Variants in CACNB4 observed in about 807,000 individuals in gnomAD.
CACNB4 encodes the protein voltage-dependent L-type calcium channel subunit beta-4.
In CACNB4, 32 loss-of-function variants were observed where a neutral mutation model predicts 71.2. That is an observed-to-expected ratio of 0.45 (90% confidence interval 0.34 to 0.60). The LOEUF is 0.60. Ranked by LOEUF, CACNB4 falls within the 20% of genes least tolerant of loss-of-function variation. CACNB4 has a pLI of 0.01. For missense variants in CACNB4, 464 were observed against 647.9 expected (o/e 0.72, Z 3.08); for synonymous variants, 231 against 236.9 (o/e 0.97, Z 0.23).
intron 4 of CACNB4, among the ~76,000 whole-genome samples, chr2:151,877,074 GATATCTATATATACACAT>G (rs2099846601): frequency 1.3e-5 from 1 of 78,372 alleles, no homozygotes; most frequent in Non-Finnish European, 3.0e-5. Flanking sequence ...TATACACATA[GATATCTATATATACACAT>G]AGATATCTAT....
intron 2 of CACNB4, among the ~76,000 whole-genome samples, chr2:151,939,433 G>T (rs560328179): frequency 6.6e-6 from 1 of 152,300 alleles, no homozygotes; most frequent in East Asian, 1.9e-4. Flanking sequence ...GAAGAGGTTT[G>T]CAGGAGGCCC....
At chr2:152,001,160 C>T (rs935113754) in intron 2 of CACNB4, among the ~76,000 whole-genome samples, 4 of 152,134 alleles carry the variant, frequency 2.6e-5, no homozygotes, top group Non-Finnish European at 5.9e-5. Flanking sequence ...AGGATTCAAA[C>T]CTAGGAGGTC....
chr2:152,037,138 T>C (rs1443764690), intron 2 of CACNB4, among the ~76,000 whole-genome samples: 1 of 152,232 alleles, frequency 6.6e-6, no homozygotes, highest in Non-Finnish European at 1.5e-5. Context: ...TAGGGTATTC[T>C]TCCCTGGGCT....
At chr2:152,070,459 G>A (rs1471112531) in intron 2 of CACNB4, among the ~76,000 whole-genome samples, 1 of 152,084 alleles carries the variant, frequency 6.6e-6, no homozygotes, top group Non-Finnish European at 1.5e-5. Flanking sequence ...ATGGGCTGTG[G>A]CCCCATGAAG....
chr2:151,903,214 A>T (rs2099853905), intron 2 of CACNB4, among the ~76,000 whole-genome samples: 1 of 152,106 alleles, frequency 6.6e-6, no homozygotes, highest in African/African-American at 2.4e-5. Flanking sequence ...AAAATAAGAA[A>T]ATATTCATTT....
intron 9 of CACNB4, among the ~76,000 whole-genome samples, chr2:151,863,059 T>G (rs1235568720): frequency 6.8e-6 from 1 of 147,516 alleles, no homozygotes; most frequent in East Asian, 2.0e-4. Flanking sequence ...TTTGTGTGGT[T>G]TTTTTTTTTT....
At chr2:152,058,772 T>C (rs909275222) in intron 2 of CACNB4, among the ~76,000 whole-genome samples, 1 of 152,218 alleles carries the variant, frequency 6.6e-6, no homozygotes, top group Non-Finnish European at 1.5e-5. Context: ...CAACAGAATG[T>C]GGAAAATGTC....
Position 151,860,671 on chromosome 2 carries a change from T to C in CACNB4, c.868+40A>G, listed in dbSNP as rs1306745733. 2.2e-6 allele frequency: 3 copies of C among 1,361,358 alleles called. No homozygotes were observed. In the Admixed American group the frequency reaches 5.0e-5, roughly 23 times the overall value. 84.3% of individuals were successfully genotyped at this position (1,361,358 alleles called of 1,614,324 possible). A position where few individuals can be genotyped will look rare whatever the true frequency, so the allele number is the denominator to read the frequency against. On this transcript the variant is annotated intron_variant, in intron 10 of 13. Transcript: ENST00000539935. ...ATGCACCATGTGTCAGCCCGGTCTG[T>C]AAGCACAGCTTGAAGAAGTACCACA...
At chr2:151,881,937 A>C (rs2099847974) in intron 3 of CACNB4, among the ~76,000 whole-genome samples, 1 of 146,918 alleles carries the variant, frequency 6.8e-6, no homozygotes, top group African/African-American at 2.5e-5. Flanking sequence ...CTGGAATGCA[A>C]TGGTGTGATC....
intron 2 of CACNB4, among the ~76,000 whole-genome samples, chr2:152,051,530 G>A (rs571572185): frequency 6.6e-6 from 1 of 152,152 alleles, no homozygotes; most frequent in Non-Finnish European, 1.5e-5. Context: ...TCCTGATGGG[G>A]TTAGCGTCCT....
chr2:152,069,948 T>A (rs1338839024), intron 2 of CACNB4, among the ~76,000 whole-genome samples: 1 of 150,002 alleles, frequency 6.7e-6, no homozygotes, highest in Non-Finnish European at 1.5e-5. Context: ...GTTCACACCA[T>A]TCTCCTGCCT....
rs1171703292 is a variant in CACNB4 at position 152,067,173 on chromosome 2, GAA to G, written c.147+31155_147+31156del. 2.2e-4 allele frequency among the ~76,000 whole-genome samples: 34 copies of G among 152,086 alleles called. No homozygotes were observed. In the South Asian group the frequency reaches 4.8e-3, roughly 21 times the overall value. ...AAATAAATTAATTAATTAAAAAAAA[GAA>G]GTGCAGGGGAGTAAATGCCTGTGGG... On this transcript the variant is annotated intron_variant, in intron 2 of 13. Transcript: ENST00000539935.
intron 2 of CACNB4, among the ~76,000 whole-genome samples, chr2:152,050,943 T>G (rs544042028): frequency 3.0e-4 from 46 of 151,942 alleles, no homozygotes; most frequent in Admixed American, 7.9e-4. Context: ...TCCAGCTAAT[T>G]TTTTTTATTG....
At chr2:151,842,276 T>C (rs1368537823) in intron 12 of CACNB4, among the ~76,000 whole-genome samples, 188 bp from the exon 13 acceptor site, 1 of 151,176 alleles carries the variant, frequency 6.6e-6, no homozygotes, top group Non-Finnish European at 1.5e-5. Flanking sequence ...TGAACGAATG[T>C]AGACATTAAT....
chr2:151,864,093 T>G (rs1321768584), intron 9 of CACNB4, among the ~76,000 whole-genome samples: 1 of 152,204 alleles, frequency 6.6e-6, no homozygotes, highest in Non-Finnish European at 1.5e-5. Flanking sequence ...TTCTACTTCT[T>G]TTCTTGCTAT....
At chr2:151,997,533 C>CAA (rs5835392) in intron 2 of CACNB4, among the ~76,000 whole-genome samples, 26 of 149,100 alleles carry the variant, frequency 1.7e-4, no homozygotes, top group Non-Finnish European at 1.9e-4. Flanking sequence ...GACTCTGTCT[C>CAA]AAAAAAAAAG....
At chr2:152,089,645 T>C (rs917224119) in intron 2 of CACNB4, among the ~76,000 whole-genome samples, 1 of 152,160 alleles carries the variant, frequency 6.6e-6, no homozygotes, top group African/African-American at 2.4e-5. Flanking sequence ...TTAAAAAGCA[T>C]GCAAAGCCAA....
In CACNB4 at chr2:151,994,186, C is replaced by G. The variant is rs536869260; in HGVS notation, c.147+104144G>C. Reference sequence around the variant, plus strand: ...GACTCTGTTTCTTAAAAAAAAACACCACCGAGGATTAAATTTTCCTGTCTG... The same window carrying G: ...GACTCTGTTTCTTAAAAAAAAACACGACCGAGGATTAAATTTTCCTGTCTG... On this transcript the variant is annotated intron_variant, in intron 2 of 13. Transcript: ENST00000539935. 3.3e-5 allele frequency among the ~76,000 whole-genome samples: 5 copies of G among 151,948 alleles called. No homozygotes were observed. In the East Asian group the frequency reaches 9.7e-4, roughly 30 times the overall value.
intron 2 of CACNB4, among the ~76,000 whole-genome samples, chr2:151,896,695 A>G (rs1225244085): frequency 1.3e-5 from 2 of 152,056 alleles, no homozygotes; most frequent in African/African-American, 4.8e-5. Flanking sequence ...TTTGATTCCT[A>G]TCTGCTAATT....
Sources: allele counts gnomAD v4.1 joint callset (sites outside exome capture counted in the v4.1 genomes callset), GRCh38; gene constraint gnomAD v4.1.1; transcripts MANE v1.5; gene names NCBI Gene and HGNC (gene_info 2026-07-23, HGNC 2026-07-21).